Variants in PRSS12 observed in about 807,000 individuals in gnomAD.
PRSS12 encodes neurotrypsin.
A neutral mutation model predicts 104.4 loss-of-function variants in PRSS12; 85 were observed. The observed-to-expected ratio is 0.81, with a 90% CI of 0.68 to 0.98. PRSS12 has a LOEUF of 0.98. PRSS12 is among the 50% of genes least tolerant of loss of function. PRSS12 has a pLI of 0.00. For missense variants in PRSS12, 1,141 were observed against 1,139.2 expected, an observed-to-expected ratio of 1.00 and a Z score of -0.02; for synonymous variants, 454 against 425.2, an observed-to-expected ratio of 1.07 and a Z score of -0.83.
intron 6 of PRSS12, 151 bp from the exon 7 acceptor site, chr4:118,313,548 C>A: frequency 1.2e-6 from 1 of 801,210 alleles, no homozygotes; most frequent in Non-Finnish European, 2.1e-6. Flanking sequence ...CAGTTTAGAG[C>A]TATGTTCGCC....
intron 8 of PRSS12, among the ~76,000 whole-genome samples, chr4:118,302,052 C>T (rs1743416911): frequency 6.6e-6 from 1 of 152,128 alleles, no homozygotes; most frequent in Non-Finnish European, 1.5e-5. Flanking sequence ...TTGTTCTCAG[C>T]TTCCTAAGAA....
Position 118,316,825 on chromosome 4 carries a change from G to GAAAAA in PRSS12, c.1151-507_1151-503dup, listed in dbSNP as rs1553956358. Among the ~76,000 whole-genome samples the GAAAAA allele has an allele frequency of 1.9e-3, 174 of 91,526 alleles. 2 individuals are homozygous for GAAAAA. The highest frequency in any genetic ancestry group is 3.2e-3 in the African/African-American group (93 of 28,670). The allele number at this position is 91,526 out of a possible 152,430, so 60.0% of individuals were successfully genotyped here. On this transcript the variant is annotated intron_variant, in intron 5 of 12. Coordinates refer to ENST00000296498, the MANE Select transcript of PRSS12 (RefSeq NM_003619.4). ...CAACAAAGCGAGACTCCGTCTCACG[G>GAAAAA]AAAAAAAAAAAAATATATATATATA... is the stretch of plus-strand genomic sequence containing the variant.
chr4:118,301,838 C>A (rs1481639099), intron 8 of PRSS12, among the ~76,000 whole-genome samples: 1 of 152,144 alleles, frequency 6.6e-6, no homozygotes, highest in East Asian at 1.9e-4. Flanking sequence ...GTTCTAGTCT[C>A]TTTCCAGTTG....
intron 8 of PRSS12, among the ~76,000 whole-genome samples, chr4:118,300,832 G>T (rs1215843390): frequency 3.3e-5 from 5 of 152,018 alleles, no homozygotes; most frequent in Admixed American, 3.3e-4. Flanking sequence ...TAAGTAATCT[G>T]TTTTTAACAA....
intron 4 of PRSS12, among the ~76,000 whole-genome samples, chr4:118,319,033 T>A (rs1723534672): frequency 6.6e-6 from 1 of 152,104 alleles, no homozygotes; most frequent in Non-Finnish European, 1.5e-5. Context: ...AAAATTGTGC[T>A]CCTATTTTAG....
Position 118,335,609 on chromosome 4 carries a change from G to C in PRSS12, c.684C>G (p.Gly228=). 6.2e-7 allele frequency: 1 copy of C among 1,613,950 alleles called. No individual in the cohort carries two copies. The highest frequency in any genetic ancestry group is 8.5e-7 in the Non-Finnish European group (1 of 1,179,944). ...CATTGCTCCAATAAATGGGAATAAGGCCCAGTCCAGAAAACGGGGTTTGTT... is the reference window on the plus strand; with the variant it reads ...CATTGCTCCAATAAATGGGAATAAGCCCCAGTCCAGAAAACGGGGTTTGTT... The part of the protein sequence containing the change: ...IAKQTPFSGL[G]LIPIYWSNVR... Residue 228 remains glycine, a synonymous_variant, in exon 3 of 13, where the codon GGC becomes GGG. Transcript: ENST00000296498.
Position 118,308,464 on chromosome 4 carries a change from C to T in PRSS12, c.1603G>A (p.Ala535Thr). 6.2e-7 allele frequency: 1 copy of T among 1,614,112 alleles called. No individual in the cohort carries two copies. Among genetic ancestry groups the T allele is most frequent in the Non-Finnish European group, 8.5e-7 (1 of 1,179,988 alleles). ...CDDGWTDKDAAVICRQLGYKG... is the reference protein window; with the variant it reads ...CDDGWTDKDATVICRQLGYKG... ...TAGCCAAGCTGACGACAGATCACAG[C>T]TGCATCCTTATCAGTCCATCCATCA... Residue 535 changes from alanine to threonine, a missense_variant, in exon 8 of 13, where the codon GCT becomes ACT. Ala to Thr is a moderately conservative substitution (Grantham distance 58). Coordinates refer to ENST00000296498, the MANE Select transcript of PRSS12 (RefSeq NM_003619.4).
At chr4:118,330,126 G>A (rs1723880808) in intron 4 of PRSS12, among the ~76,000 whole-genome samples, 1 of 152,152 alleles carries the variant, frequency 6.6e-6, no homozygotes, top group South Asian at 2.1e-4. Context: ...TGTCCCACAT[G>A]TGAACTATAA....
chr4:118,301,647 TAA>T (rs1743409580), intron 8 of PRSS12, among the ~76,000 whole-genome samples: 1 of 152,250 alleles, frequency 6.6e-6, no homozygotes, highest in Non-Finnish European at 1.5e-5. Context: ...CTAGCTTTAG[TAA>T]AGACTTAGGT....
At chr4:118,291,663 T>C (rs541857897) in intron 11 of PRSS12, among the ~76,000 whole-genome samples, 1 of 152,130 alleles carries the variant, frequency 6.6e-6, no homozygotes, top group African/African-American at 2.4e-5. Flanking sequence ...CAGTTCTCTG[T>C]TTGATGGACA....
chr4:118,327,278 A>G (rs771470632), intron 4 of PRSS12, among the ~76,000 whole-genome samples: 5 of 152,026 alleles, frequency 3.3e-5, no homozygotes. Context: ...TCAGCCTCTG[A>G]GTAGCTGGGA....
Position 118,318,234 on chromosome 4 carries a change from T to C in PRSS12, c.1150+144A>G, listed in dbSNP as rs573735075. 10 of 805,360 alleles carry C rather than the reference T, an allele frequency of 1.2e-5. No individual in the cohort carries two copies. The South Asian group carries it at 1.7e-4, about 13-fold the overall frequency. 49.9% of individuals were successfully genotyped at this position (805,360 alleles called of 1,614,324 possible). The stretch of plus-strand genomic sequence containing the variant: ...AAAAAGATGGTACTTTAATATACGG[T>C]TTGCATTCTTTTTGTTTGTTTTATT... On this transcript the variant is annotated intron_variant, in intron 5 of 12. Transcript: ENST00000296498.
In PRSS12 at chr4:118,298,924, G is replaced by A; in HGVS notation, c.1646C>T (p.Ala549Val). Residue 549 changes from alanine to valine, a missense_variant, in exon 9 of 13, where the codon GCA becomes GTA. Coordinates refer to ENST00000296498, the MANE Select transcript of PRSS12 (RefSeq NM_003619.4). ...RQLGYKGPARARTMAYFGEGK... is the reference protein window; with the variant it reads ...RQLGYKGPARVRTMAYFGEGK... ...TTCTCCAAAGTAAGCCATGGTTCTT[G>A]CTCTGGCAGGACCCCTGAAGACAGA... 6.2e-7 allele frequency: 1 copy of A among 1,614,136 alleles called. No individual in the cohort carries two copies. Among genetic ancestry groups the A allele is most frequent in the South Asian group, 1.1e-5 (1 of 91,082 alleles).
At chr4:118,304,005 T>C (rs1299082287) in intron 8 of PRSS12, 3 of 151,942 alleles carry the variant, frequency 2.0e-5, no homozygotes, top group African/African-American at 4.8e-5. Context: ...TTATTTTCTA[T>C]GTTTAATAAT....
intron 4 of PRSS12, 121 bp downstream of exon 4, chr4:118,331,594 CA>C: frequency 3.7e-6 from 5 of 1,362,592 alleles, no homozygotes; most frequent in Non-Finnish European, 5.1e-6. Flanking sequence ...CTACAAAGAT[CA>C]AAAGGTAACT....
In PRSS12 at chr4:118,282,022, A is replaced by G. The variant is rs1446015234; in HGVS notation, c.2542T>C (p.Tyr848His). ...GGAGAATCCTTGACTCCACAGCCAT[A>G]CCCCCAGGAGGTCACCCCATACACC... ...WVVYGVTSWG[Y>H]GCGVKDSPGV... The change falls in exon 13 of 13, where the codon TAT becomes CAT. Residue 848 changes from tyrosine (Y) to histidine (H), a missense_variant. By Grantham distance (83) the Tyr-to-His change is moderately conservative. Coordinates refer to ENST00000296498, the MANE Select transcript of PRSS12 (RefSeq NM_003619.4). 7 of 1,610,976 alleles carry G rather than the reference A, an allele frequency of 4.3e-6. No individual in the cohort carries two copies. Among genetic ancestry groups the G allele is most frequent in the Non-Finnish European group, 5.1e-6 (6 of 1,177,564 alleles).
intron 11 of PRSS12, among the ~76,000 whole-genome samples, chr4:118,290,718 TAAAC>T (rs1560764747): frequency 1.3e-5 from 2 of 152,202 alleles, no homozygotes; most frequent in East Asian, 3.9e-4. Flanking sequence ...TCTGCAAAGT[TAAAC>T]AATTAACAAT....
In PRSS12 at chr4:118,294,970, A is replaced by C; in HGVS notation, c.2008T>G (p.Trp670Gly). 1 of 1,614,172 alleles carries C rather than the reference A, an allele frequency of 6.2e-7. No individual in the cohort carries two copies. Among genetic ancestry groups the C allele is most frequent in the Non-Finnish European group, 8.5e-7 (1 of 1,180,016 alleles). The change falls in exon 11 of 13, where the codon TGG (tryptophan) becomes GGG (glycine). Residue 670 changes from tryptophan (W) to glycine (G), a missense_variant. Transcript: ENST00000296498. The part of the protein sequence containing the change: ...LCGATLLSSC[W>G]VLTAAHCFKR... ...AAACAGTGTGCTGCTGTGAGGACCC[A>C]GCAGCTACTCAGGAGCGTAGCCCCG...
chr4:118,283,248 A>T, intron 11 of PRSS12, 137 bp from the exon 12 acceptor site: 1 of 1,070,100 alleles, frequency 9.3e-7, no homozygotes, highest in Non-Finnish European at 1.4e-6. Flanking sequence ...CTTTCCATTT[A>T]TCTGACCCAC....
Sources: allele counts gnomAD v4.1 joint callset (sites outside exome capture counted in the v4.1 genomes callset), GRCh38; gene constraint gnomAD v4.1.1; transcripts MANE v1.5; gene names NCBI Gene and HGNC (gene_info 2026-07-23, HGNC 2026-07-21).